PCDH15: variants seen among roughly 807,000 people sequenced by gnomAD.
The protein encoded by PCDH15 is protocadherin related 15.
Under a neutral mutation model 178.5 loss-of-function variants are expected in PCDH15, and 129 were observed. The observed-to-expected ratio is 0.72, with a 90% confidence interval of 0.63 to 0.84. PCDH15 has a LOEUF of 0.84. Among genes scored for constraint, PCDH15 ranks in the 40% least tolerant of loss-of-function variants. The pLI is 0.00. For missense variants in PCDH15, 2,230 were observed against 2,099.9 expected, an observed-to-expected ratio of 1.06 and a Z score of -1.21; for synonymous variants, 800 against 732.0, an observed-to-expected ratio of 1.09 and a Z score of -1.50.
chr10:54,862,381 T>C (rs1418519079), intron 3 of PCDH15, among the ~76,000 whole-genome samples: 1 of 152,238 alleles, frequency 6.6e-6, no homozygotes, highest in Non-Finnish European at 1.5e-5. Flanking sequence ...CTCATGTTCA[T>C]TAAAATTATT....
At chr10:54,981,368 C>G (rs1431415887) in intron 2 of PCDH15, among the ~76,000 whole-genome samples, 1 of 152,170 alleles carries the variant, frequency 6.6e-6, no homozygotes, top group African/African-American at 2.4e-5. Context: ...CACTACCCTA[C>G]TCCCTGGAAA....
chr10:54,584,043 G>C (rs2091265621), intron 2 of PCDH15, among the ~76,000 whole-genome samples: 1 of 151,946 alleles, frequency 6.6e-6, no homozygotes, highest in Non-Finnish European at 1.5e-5. Flanking sequence ...TGGAAAGAAA[G>C]GTGTTTACTT....
intron 2 of PCDH15, among the ~76,000 whole-genome samples, chr10:55,127,892 G>A (rs925291640): frequency 1.3e-5 from 2 of 151,928 alleles, no homozygotes; most frequent in Non-Finnish European, 2.9e-5. Context: ...TTTGCTTACA[G>A]TAATAAGAAA....
intron 26 of PCDH15, among the ~76,000 whole-genome samples, chr10:53,882,478 C>G (rs1332110519): frequency 5.3e-5 from 8 of 152,166 alleles, no homozygotes; most frequent in Admixed American, 5.2e-4. Flanking sequence ...ATTCCTGCCT[C>G]AGCCTCTCAA....
intron 1 of PCDH15, among the ~76,000 whole-genome samples, chr10:54,798,682 G>T (rs1205511947): frequency 6.6e-6 from 1 of 152,070 alleles, no homozygotes; most frequent in Non-Finnish European, 1.5e-5. Context: ...ATTTTATGAA[G>T]TAGTGTGGTC....
intron 2 of PCDH15, among the ~76,000 whole-genome samples, chr10:55,627,402 C>G (rs1837553887): frequency 6.6e-6 from 1 of 152,008 alleles, no homozygotes; most frequent in African/African-American, 2.4e-5. Context: ...CACATTCCCC[C>G]AACACAAACA....
intron 2 of PCDH15, among the ~76,000 whole-genome samples, chr10:55,597,841 A>G (rs1842965951): frequency 6.6e-6 from 1 of 152,134 alleles, no homozygotes; most frequent in African/African-American, 2.4e-5. Context: ...AATTATTTAA[A>G]GCAAGGCACT....
intron 7 of PCDH15, among the ~76,000 whole-genome samples, chr10:54,318,232 G>A (rs1161728924): frequency 2.6e-5 from 4 of 152,140 alleles, no homozygotes; most frequent in Admixed American, 6.6e-5. Flanking sequence ...TTCCTTTGGA[G>A]GCTTGCTCCA....
intron 32 of PCDH15, chr10:53,822,778 T>G: frequency 6.2e-7 from 1 of 1,614,122 alleles, no homozygotes; most frequent in Non-Finnish European, 8.5e-7. Context: ...AACTGTTCTG[T>G]TCCTTCTATC....
chr10:54,295,471 C>A (rs1222324525), intron 8 of PCDH15, among the ~76,000 whole-genome samples: 1 of 152,190 alleles, frequency 6.6e-6, no homozygotes, highest in East Asian at 1.9e-4. Context: ...ATAAATCTTG[C>A]TGGTGCTCAC....
chr10:54,368,570 G>T (rs1947150558), intron 5 of PCDH15, among the ~76,000 whole-genome samples: 2 of 151,820 alleles, frequency 1.3e-5, no homozygotes, highest in Admixed American at 1.3e-4. Context: ...CAACAAACAA[G>T]CATGTCCTTA....
At chr10:54,269,836 C>T (rs1483906556) in intron 8 of PCDH15, among the ~76,000 whole-genome samples, 1 of 151,908 alleles carries the variant, frequency 6.6e-6, no homozygotes, top group Admixed American at 6.6e-5. Context: ...TTCTGGAACA[C>T]CACTTCATCT....
At position 55,250,597 on chromosome 10, in the gene PCDH15, T is replaced by TGTGATCTC. The variant is rs1050911778; in HGVS notation, c.-156+68994_-156+69001dup. ...TGTCACTCAGGCTGGAGTGCAGTGG[T>TGTGATCTC]GTGATCTCGGCTCACTGCAACCTTC... On this transcript the variant is annotated intron_variant, in intron 1 of 5. Transcript: ENST00000458638. 2.1e-5 allele frequency among the ~76,000 whole-genome samples: 3 copies of TGTGATCTC among 143,708 alleles called. No homozygotes were observed. The Admixed American group carries it at 2.1e-4, about 10-fold the overall frequency. The allele number at this position is 143,708 out of a possible 152,430, so 94.3% of individuals were successfully genotyped here. A position where few individuals can be genotyped will look rare whatever the true frequency, so the allele number is the denominator to read the frequency against.
intron 2 of PCDH15, among the ~76,000 whole-genome samples, chr10:55,594,573 T>A (rs2132135510): frequency 6.6e-6 from 1 of 152,160 alleles, no homozygotes; most frequent in Non-Finnish European, 1.5e-5. Context: ...AAGTTGATTT[T>A]AATCAAACAC....
At chr10:54,228,868 CT>C (rs1361446983) in intron 9 of PCDH15, among the ~76,000 whole-genome samples, 1 of 152,200 alleles carries the variant, frequency 6.6e-6, no homozygotes, top group Non-Finnish European at 1.5e-5. Context: ...GTTTTACCAG[CT>C]CTTTCTACAT....
At chr10:54,273,652 A>G (rs1564838409) in intron 8 of PCDH15, among the ~76,000 whole-genome samples, 1 of 152,152 alleles carries the variant, frequency 6.6e-6, no homozygotes, top group Non-Finnish European at 1.5e-5. Context: ...CATCAAACAT[A>G]TATCCTTCCA....
chr10:55,167,570 AGTT>A (rs1411327336), intron 1 of PCDH15, among the ~76,000 whole-genome samples: 7 of 152,298 alleles, frequency 4.6e-5, no homozygotes, highest in Admixed American at 4.6e-4. Context: ...AAGTTATAAA[AGTT>A]GTTAAGAAAT....
intron 2 of PCDH15, among the ~76,000 whole-genome samples, chr10:55,572,725 GTC>G (rs1564460413): frequency 6.6e-6 from 1 of 151,936 alleles, no homozygotes; most frequent in Non-Finnish European, 1.5e-5. Flanking sequence ...GAGAAAACAG[GTC>G]TCTCTGTGAA....
intron 1 of PCDH15, among the ~76,000 whole-genome samples, chr10:54,724,848 G>T (rs72794564): frequency 0.1 from 15,288 of 150,630 alleles, 1,007 homozygotes; most frequent in Middle Eastern, 0.17. Context: ...TTATTATATT[G>T]CATAGTGGTG....
Sources: gnomAD v4.1 joint callset for allele counts (sites outside exome capture counted in the v4.1 genomes callset) on GRCh38, gnomAD v4.1.1 for gene constraint, MANE v1.5 for transcripts, NCBI Gene and HGNC (gene_info 2026-07-23, HGNC 2026-07-21) for gene names.